The following GRID2 variants were observed in gnomAD, a reference collection of about 807,000 sequenced individuals.
GRID2 encodes the protein glutamate ionotropic receptor delta type subunit 2.
Under a neutral mutation model 114.8 loss-of-function variants are expected in GRID2, and 33 were observed. The observed-to-expected ratio is 0.29, with a 90% confidence interval of 0.22 to 0.38. The LOEUF is 0.38. Among genes scored for constraint, GRID2 ranks in the 10% least tolerant of loss-of-function variants. The probability of loss-of-function intolerance (pLI) is 1.00; values close to 1 mark genes in which losing one functional copy is unlikely to be tolerated. For synonymous variants in GRID2, 505 were observed against 449.9 expected (o/e 1.12, Z -1.55); for missense variants, 1,184 against 1,257.7 (o/e 0.94, Z 0.89).
chr4:92,416,810 G>A (rs930763168), intron 1 of GRID2, among the ~76,000 whole-genome samples: 1 of 152,020 alleles, frequency 6.6e-6, no homozygotes, highest in African/African-American at 2.4e-5. Context: ...ACTATAGCTT[G>A]TAGTATAGTT....
In GRID2 at chr4:93,622,306, T is replaced by G. The variant is rs1742283428; in HGVS notation, c.2194-3963T>G. Among the ~76,000 whole-genome samples, 5 of 152,170 alleles carry G rather than the reference T, an allele frequency of 3.3e-5. No homozygotes were observed. The South Asian group carries it at 1.0e-3, about 31-fold the overall frequency. Reference sequence around the variant, plus strand: ...CTAACACTCCAAGCATCTCCTAGTTTTATAATTATATCAAGCCCCACGTAT... The same window carrying G: ...CTAACACTCCAAGCATCTCCTAGTTGTATAATTATATCAAGCCCCACGTAT... On this transcript the variant is annotated intron_variant, in intron 13 of 15. Transcript: ENST00000282020.
chr4:93,474,263 C>T (rs1468569546), intron 11 of GRID2, among the ~76,000 whole-genome samples: 1 of 152,122 alleles, frequency 6.6e-6, no homozygotes, highest in East Asian at 1.9e-4. Context: ...CCTAGAACAA[C>T]TCTGAGGACA....
chr4:93,230,333 T>C (rs1745979018), intron 7 of GRID2, among the ~76,000 whole-genome samples: 1 of 152,146 alleles, frequency 6.6e-6, no homozygotes, highest in South Asian at 2.1e-4. Context: ...TTGATATCAC[T>C]GTCAAATAAA....
At chr4:92,582,672 A>C (rs1189570345) in intron 1 of GRID2, among the ~76,000 whole-genome samples, 1 of 152,140 alleles carries the variant, frequency 6.6e-6, no homozygotes, top group South Asian at 2.1e-4. Flanking sequence ...TATTATAATT[A>C]TTATGAAATG....
intron 8 of GRID2, among the ~76,000 whole-genome samples, chr4:93,303,389 TAGAG>T (rs921469294): frequency 1.1e-4 from 17 of 152,310 alleles, no homozygotes; most frequent in Admixed American, 2.6e-4. Flanking sequence ...TCCAGTGTGA[TAGAG>T]AGAGAACTTC....
chr4:93,793,905 TA>T (rs1734746000), intron 1 of GRID2, among the ~76,000 whole-genome samples: 1 of 152,160 alleles, frequency 6.6e-6, no homozygotes, highest in South Asian at 2.1e-4. Context: ...AAAATGAGAT[TA>T]AAAAGGGTGA....
intron 1 of GRID2, among the ~76,000 whole-genome samples, chr4:92,529,821 G>A (rs1579524245): frequency 6.6e-6 from 1 of 152,116 alleles, no homozygotes; most frequent in South Asian, 2.1e-4. Context: ...AATCTGATAT[G>A]ATGGCCATTG....
chr4:92,356,257 A>G (rs1728316267), intron 1 of GRID2, among the ~76,000 whole-genome samples: 1 of 151,552 alleles, frequency 6.6e-6, no homozygotes, highest in Admixed American at 6.6e-5. Flanking sequence ...GTTTTATTGT[A>G]TTTGATGCAA....
chr4:93,441,612 C>G (rs1721626215), intron 10 of GRID2, among the ~76,000 whole-genome samples: 1 of 151,900 alleles, frequency 6.6e-6, no homozygotes, highest in South Asian at 2.1e-4. Flanking sequence ...TTCACTCACT[C>G]TAGCAATCAA....
At chr4:93,125,438 T>A (rs2149367543) in intron 4 of GRID2, among the ~76,000 whole-genome samples, 1 of 152,208 alleles carries the variant, frequency 6.6e-6, no homozygotes, top group African/African-American at 2.4e-5. Context: ...CAGTATTTTA[T>A]TCTGTTAAAA....
intron 13 of GRID2, among the ~76,000 whole-genome samples, chr4:93,595,143 CTATCTTG>C (rs1433010131): frequency 6.6e-6 from 1 of 152,218 alleles, no homozygotes; most frequent in East Asian, 1.9e-4. Context: ...CTCCAGGCCT[CTATCTTG>C]TAGGATCCAA....
chr4:92,774,376 G>A (rs746579870), intron 2 of GRID2, among the ~76,000 whole-genome samples: 1 of 152,068 alleles, frequency 6.6e-6, no homozygotes, highest in Non-Finnish European at 1.5e-5. Flanking sequence ...AACTTTTGAA[G>A]AAATGCATCA....
At chr4:92,846,350 T>G (rs901148625) in intron 2 of GRID2, among the ~76,000 whole-genome samples, 2 of 152,064 alleles carry the variant, frequency 1.3e-5, no homozygotes, top group African/African-American at 4.8e-5. Context: ...GTCCCCAGTA[T>G]GTATTGTACT....
intron 9 of GRID2, among the ~76,000 whole-genome samples, chr4:93,412,246 A>G (rs2149354188): frequency 6.9e-6 from 1 of 145,130 alleles, no homozygotes; most frequent in Middle Eastern, 3.4e-3. Flanking sequence ...CCCCCAAAAA[A>G]AAATACCAGG....
At chr4:93,276,992 G>C (rs542688677) in intron 8 of GRID2, among the ~76,000 whole-genome samples, 4 of 151,900 alleles carry the variant, frequency 2.6e-5, no homozygotes, top group African/African-American at 9.6e-5. Context: ...ATGGATTTAA[G>C]AAGATATTTG....
At chr4:92,641,385 AG>A (rs1455493535) in intron 2 of GRID2, among the ~76,000 whole-genome samples, 1 of 151,754 alleles carries the variant, frequency 6.6e-6, no homozygotes, top group African/African-American at 2.4e-5. Context: ...CCTGGGCTCA[AG>A]CAATCCTCTG....
At chr4:92,647,428 C>T (rs1412791880) in intron 2 of GRID2, among the ~76,000 whole-genome samples, 1 of 118,478 alleles carries the variant, frequency 8.4e-6, no homozygotes, top group Non-Finnish European at 1.8e-5. Flanking sequence ...ACAAGTAAAC[C>T]TTATCCAACC....
intron 13 of GRID2, among the ~76,000 whole-genome samples, chr4:93,515,618 G>C (rs1346652899): frequency 6.6e-6 from 1 of 152,108 alleles, no homozygotes; most frequent in Non-Finnish European, 1.5e-5. Flanking sequence ...TAACAGATCA[G>C]TTTCCATTTG....
intron 1 of GRID2, among the ~76,000 whole-genome samples, chr4:93,784,252 C>T (rs1356914405): frequency 6.6e-6 from 1 of 151,982 alleles, no homozygotes; most frequent in Non-Finnish European, 1.5e-5. Flanking sequence ...GGCTCACATT[C>T]CATCTACGTA....
Sources: gnomAD v4.1 joint callset for allele counts (sites outside exome capture counted in the v4.1 genomes callset) on GRCh38, gnomAD v4.1.1 for gene constraint, MANE v1.5 for transcripts, NCBI Gene and HGNC (gene_info 2026-07-23, HGNC 2026-07-21) for gene names.